CRB1: variants seen among roughly 807,000 people sequenced by gnomAD.
CRB1 encodes protein crumbs homolog 1.
In CRB1, 83 loss-of-function variants were observed where a neutral mutation model predicts 120.0. That is an observed-to-expected ratio of 0.69 (90% CI 0.58 to 0.83). The LOEUF (loss-of-function observed/expected upper bound fraction) is 0.83, where lower values mean the gene tolerates loss of function less well. CRB1 is among the 40% of genes least tolerant of loss of function. The pLI, the probability that CRB1 is intolerant of heterozygous loss-of-function variation, is 0.00. For synonymous variants in CRB1, 625 were observed against 612.5 expected, an observed-to-expected ratio of 1.02 and a Z score of -0.30; for missense variants, 1,699 against 1,687.6, an observed-to-expected ratio of 1.01 and a Z score of -0.12.
chr1:197,241,232 T>C, the CRB1 span, among the ~76,000 whole-genome samples: 6 of 152,194 alleles, frequency 3.9e-5, no homozygotes, highest in African/African-American at 1.4e-4. Flanking sequence ...ATTTTGGCTT[T>C]TGTTGGCATT....
intron 1 of CRB1, among the ~76,000 whole-genome samples, chr1:197,321,298 G>A (rs1042634404): frequency 1.1e-4 from 17 of 152,212 alleles, no homozygotes; most frequent in Admixed American, 6.5e-5. Context: ...AGGCACAATG[G>A]CATTGTAGTT....
intron 1 of CRB1, among the ~76,000 whole-genome samples, chr1:197,292,636 A>T: frequency 6.6e-6 from 1 of 152,152 alleles, no homozygotes; most frequent in Non-Finnish European, 1.5e-5. Flanking sequence ...AATATCCCTG[A>T]TGAACATCGA....
At chr1:197,441,727 T>C (rs1486724235) in intron 10 of CRB1, 2 of 144,112 alleles carry the variant, frequency 1.4e-5, no homozygotes, top group East Asian at 4.5e-4. Flanking sequence ...AGGGCTCTGA[T>C]GCATGAGGAT....
At chr1:197,442,605 C>T (rs1665508261) in intron 11 of CRB1, 2 of 1,262,684 alleles carry the variant, frequency 1.6e-6, no homozygotes, top group South Asian at 1.7e-5. Flanking sequence ...CCTATTCTAA[C>T]TTTAAATATG....
chr1:197,269,230 A>T (rs777138539), intron 1 of CRB1, among the ~76,000 whole-genome samples: 11 of 152,148 alleles, frequency 7.2e-5, no homozygotes, highest in Non-Finnish European at 1.5e-4. Context: ...GGGCCATGTG[A>T]TTTGTGTCTG....
At chr1:197,251,903 T>G in the CRB1 span, among the ~76,000 whole-genome samples, 3 of 152,038 alleles carry the variant, frequency 2.0e-5, no homozygotes, top group Non-Finnish European at 4.4e-5. Flanking sequence ...TGTAGTTATA[T>G]TTTTCCTTAT....
intron 8 of CRB1, 61 bp downstream of exon 8, chr1:197,429,675 G>A: frequency 6.5e-7 from 1 of 1,537,456 alleles, no homozygotes; most frequent in Non-Finnish European, 9.0e-7. Context: ...GTTGTTCCAA[G>A]AGCAAACACA....
intron 11 of CRB1, among the ~76,000 whole-genome samples, chr1:197,460,366 G>T (rs531200855): frequency 6.6e-6 from 1 of 152,046 alleles, no homozygotes; most frequent in East Asian, 1.9e-4. Flanking sequence ...GAACATTTCT[G>T]TGATTAGTGC....
chr1:197,235,581 T>A, the CRB1 span, among the ~76,000 whole-genome samples: 2 of 152,118 alleles, frequency 1.3e-5, no homozygotes, highest in African/African-American at 4.8e-5. Context: ...TGAGTGAGAC[T>A]ATCCTAAATT....
intron 11 of CRB1, chr1:197,443,682 T>G (rs1255500818): frequency 6.6e-6 from 1 of 151,912 alleles, no homozygotes. Flanking sequence ...CAAAATATAT[T>G]TGACATTATG....
intron 5 of CRB1, among the ~76,000 whole-genome samples, chr1:197,415,385 A>C (rs1332195095): frequency 6.6e-6 from 1 of 151,934 alleles, no homozygotes; most frequent in Admixed American, 6.6e-5. Context: ...ATTACGTATG[A>C]CTCCCCACTG....
intron 4 of CRB1, among the ~76,000 whole-genome samples, chr1:197,355,267 T>C (rs922506506): frequency 5.9e-5 from 9 of 152,184 alleles, no homozygotes; most frequent in East Asian, 1.9e-4. Flanking sequence ...AGGGTGCTGA[T>C]TGGTGCATCC....
chr1:197,476,007 T>G (rs531363285), intron 11 of CRB1, among the ~76,000 whole-genome samples: 1 of 152,258 alleles, frequency 6.6e-6, no homozygotes, highest in Non-Finnish European at 1.5e-5. Flanking sequence ...CATCTCGGGT[T>G]CAAGCGATTC....
At chr1:197,357,351 A>G in intron 5 of CRB1, 1 of 353,902 alleles carries the variant, frequency 2.8e-6, no homozygotes, top group Non-Finnish European at 5.3e-6. Context: ...GTTAAATTTT[A>G]TGTTATTCAA....
At chr1:197,352,015 G>A (rs1231496017) in intron 4 of CRB1, among the ~76,000 whole-genome samples, 1 of 152,166 alleles carries the variant, frequency 6.6e-6, no homozygotes, top group Non-Finnish European at 1.5e-5. Flanking sequence ...TGATGTAATT[G>A]CCTAGGGTCC....
chr1:197,361,744 G>A lies in CRB1; in HGVS notation c.1171+4731G>A, dbSNP rs1037176753. ...CCCTTTTATGTCCACCTTTTTACAG[G>A]TTTATCAATTTTACTGATTTTTTTT... On this transcript the variant is annotated intron_variant, in intron 5 of 11. Coordinates refer to ENST00000367400, the MANE Select transcript of CRB1 (RefSeq NM_201253.3). Among the ~76,000 whole-genome samples, 20 of 151,014 alleles carry A rather than the reference G, an allele frequency of 1.3e-4. 1 individual carries two copies. The highest frequency in any genetic ancestry group is 4.9e-4 in the African/African-American group (20 of 41,190).
At chr1:197,353,823 A>T (rs1416668920) in intron 4 of CRB1, among the ~76,000 whole-genome samples, 2 of 151,026 alleles carry the variant, frequency 1.3e-5, no homozygotes, top group South Asian at 2.1e-4. Flanking sequence ...ATAAAAAAAA[A>T]AAAAAAAAAA....
At chr1:197,336,777 A>G (rs147987824) in intron 2 of CRB1, among the ~76,000 whole-genome samples, 1 of 152,336 alleles carries the variant, frequency 6.6e-6, no homozygotes, top group Non-Finnish European at 1.5e-5. Context: ...AATGTAAACA[A>G]CAATTACCAT....
At chr1:197,323,442 T>C in intron 1 of CRB1, among the ~76,000 whole-genome samples, 1 of 152,216 alleles carries the variant, frequency 6.6e-6, no homozygotes, top group East Asian at 1.9e-4. Context: ...CTTTTAGCTT[T>C]ACTGTGAGAA....
Sources: gnomAD v4.1 joint callset for allele counts (sites outside exome capture counted in the v4.1 genomes callset) on GRCh38, gnomAD v4.1.1 for gene constraint, MANE v1.5 for transcripts, NCBI Gene and HGNC (gene_info 2026-07-23, HGNC 2026-07-21) for gene names.